ZNF385D: variants seen among roughly 807,000 people sequenced by gnomAD.
The protein encoded by ZNF385D is zinc finger protein 385D, also known as zinc finger protein 659.
ZNF385D carries 15 observed loss-of-function variants against 35.8 expected under a neutral mutation model. The ratio of observed to expected loss-of-function variants is 0.42; its 90% CI spans 0.28 to 0.64. The LOEUF (loss-of-function observed/expected upper bound fraction) is 0.64, where lower values mean the gene tolerates loss of function less well. Among genes scored for constraint, ZNF385D ranks in the 30% least tolerant of loss-of-function variants. ZNF385D has a pLI of 0.23. For missense variants in ZNF385D, 474 were observed against 494.6 expected, an observed-to-expected ratio of 0.96 and a Z score of 0.39; for synonymous variants, 212 against 186.8, an observed-to-expected ratio of 1.13 and a Z score of -1.10.
rs919566279 is a variant in ZNF385D at position 21,804,864 on chromosome 3, A to G, written c.326-139836T>C. Among the ~76,000 whole-genome samples, 7 of 23,436 alleles carry G rather than the reference A, an allele frequency of 3.0e-4. No individual in the cohort carries two copies. In the East Asian group the frequency reaches 8.3e-3, roughly 28 times the overall value. 15.4% of individuals were successfully genotyped at this position (23,436 alleles called of 152,430 possible). On this transcript the variant is annotated intron_variant, in intron 3 of 5. Coordinates refer to the ZNF385D transcript ENST00000494108. ...ACTGTTTTCCCTTATATACTTTACC[A>G]CTATTATAAGAAAGAACGTTGCTTG... is the stretch of plus-strand genomic sequence containing the variant.
chr3:21,495,915 A>G (rs1430499509), intron 4 of ZNF385D, among the ~76,000 whole-genome samples: 1 of 152,190 alleles, frequency 6.6e-6, no homozygotes, highest in Admixed American at 6.5e-5. Flanking sequence ...GACTACTATG[A>G]ATACGTTTAT....
rs1307585012 is a variant in ZNF385D at position 21,556,072 on chromosome 3, T to G, written c.276+8502A>C. 3.4e-4 allele frequency among the ~76,000 whole-genome samples: 49 copies of G among 143,202 alleles called. No individual in the cohort carries two copies. The South Asian group carries it at 5.4e-3, about 16-fold the overall frequency. The allele number at this position is 143,202 out of a possible 152,430, so 93.9% of individuals were successfully genotyped here. On this transcript the variant is annotated intron_variant, in intron 3 of 7. Transcript: ENST00000281523. ...TTTGACGTTTTTTTTGTTTTTGTTT[T>G]TTTTTTTTTTTTTTTGTAAATTTAA...
At chr3:22,161,143 A>T (rs1478357381) in intron 3 of ZNF385D, among the ~76,000 whole-genome samples, 1 of 152,106 alleles carries the variant, frequency 6.6e-6, no homozygotes, top group Non-Finnish European at 1.5e-5. Flanking sequence ...AAATATGAGT[A>T]AAATCTTAAT....
intron 1 of ZNF385D, among the ~76,000 whole-genome samples, chr3:21,741,632 G>GT (rs5847131): frequency 1.3e-5 from 2 of 150,766 alleles, no homozygotes; most frequent in Non-Finnish European, 3.0e-5. Context: ...ATTTTGCCTT[G>GT]TTTTTTTTTT....
chr3:21,757,419 A>C (rs557801445), intron 3 of ZNF385D, among the ~76,000 whole-genome samples: 14 of 152,274 alleles, frequency 9.2e-5, no homozygotes, highest in Non-Finnish European at 1.6e-4. Flanking sequence ...CTGGGATTAC[A>C]GGCGTGAGCC....
At chr3:21,631,810 C>G (rs1309528316) in intron 2 of ZNF385D, among the ~76,000 whole-genome samples, 1 of 152,096 alleles carries the variant, frequency 6.6e-6, no homozygotes, top group Non-Finnish European at 1.5e-5. Context: ...CTGATGAGCA[C>G]TGGGATAAAG....
intron 2 of ZNF385D, among the ~76,000 whole-genome samples, chr3:22,278,235 A>T (rs1366057228): frequency 6.6e-6 from 1 of 151,552 alleles, no homozygotes; most frequent in Non-Finnish European, 1.5e-5. Context: ...ATTAGTACAA[A>T]GTAATTAACT....
intron 7 of ZNF385D, among the ~76,000 whole-genome samples, chr3:21,422,674 GT>G (rs1700798426): frequency 6.6e-6 from 1 of 152,174 alleles, no homozygotes; most frequent in African/African-American, 2.4e-5. Context: ...GGGATGAGAG[GT>G]TGGTTCAACA....
chr3:22,371,366 T>C (rs571519183), intron 2 of ZNF385D, among the ~76,000 whole-genome samples: 34 of 152,068 alleles, frequency 2.2e-4, no homozygotes, highest in Non-Finnish European at 4.3e-4. Flanking sequence ...AGAATTAGCA[T>C]AGAACAGCGC....
chr3:21,695,050 C>G (rs1037926624), intron 1 of ZNF385D, among the ~76,000 whole-genome samples: 3 of 152,078 alleles, frequency 2.0e-5, no homozygotes, highest in South Asian at 2.1e-4. Context: ...AAAATGGGAA[C>G]ATTATATTGA....
intron 2 of ZNF385D, among the ~76,000 whole-genome samples, chr3:21,619,413 C>CGTGTGT (rs10594035): frequency 2.0e-5 from 3 of 147,752 alleles, no homozygotes; most frequent in Admixed American, 1.4e-4. Context: ...CGTGTGTGTG[C>CGTGTGT]GTGTGTGTGT....
chr3:22,167,140 A>T (rs1390058934), intron 3 of ZNF385D, among the ~76,000 whole-genome samples: 1 of 152,186 alleles, frequency 6.6e-6, no homozygotes, highest in Non-Finnish European at 1.5e-5. Context: ...GCCAAGCTAC[A>T]AGTCAAATCC....
rs2070043043 is a variant in ZNF385D, at chr3:21,750,896, A to G, written c.21T>C (p.Phe7=). 6.2e-7 allele frequency: 1 copy of G among 1,614,058 alleles called. No individual in the cohort carries two copies. Among genetic ancestry groups the G allele is most frequent in the Non-Finnish European group, 8.5e-7 (1 of 1,180,030 alleles). The change falls in exon 1 of 8, where the codon TTT becomes TTC. Residue 7 remains phenylalanine (F), a splice_region_variant and synonymous_variant. Transcript: ENST00000281523. MRNIMY[F]GGTCQSPALP... ...TACATCATCAGAGTGAACACTCACC[A>G]AAATACATTATGTTTCTCATTAATC...
rs114666332 is a variant in ZNF385D at position 21,735,942 on chromosome 3, C to T, written c.22+14953G>A. Among the ~76,000 whole-genome samples the T allele has an allele frequency of 4.1e-3, 620 of 152,332 alleles. 2 individuals carry two copies. Among genetic ancestry groups the T allele is most frequent in the African/African-American group, 0.014 (585 of 41,580 alleles). ...CCTCTACTTTACATAAATGTCCCTA[C>T]TACCAAGATTCCACAGAAGTGGCCC... On this transcript the variant is annotated intron_variant, in intron 1 of 7. Coordinates refer to ENST00000281523, the MANE Select transcript of ZNF385D (RefSeq NM_024697.3).
At chr3:21,835,469 G>T (rs1695272823) in intron 3 of ZNF385D, among the ~76,000 whole-genome samples, 1 of 150,992 alleles carries the variant, frequency 6.6e-6, no homozygotes, top group African/African-American at 2.4e-5. Flanking sequence ...AGTCTTCTCA[G>T]GAATGTGGTA....
intron 3 of ZNF385D, among the ~76,000 whole-genome samples, chr3:21,762,880 C>T (rs1161513911): frequency 6.6e-6 from 1 of 152,120 alleles, no homozygotes; most frequent in South Asian, 2.1e-4. Flanking sequence ...AACTCTAGAA[C>T]ACAGAAAGAT....
chr3:21,676,100 A>G (rs986235670), intron 1 of ZNF385D, among the ~76,000 whole-genome samples: 3 of 152,130 alleles, frequency 2.0e-5, no homozygotes, highest in African/African-American at 4.8e-5. Flanking sequence ...ACCAGCATCA[A>G]ATTAAATAAA....
At chr3:22,057,799 C>A (rs1699483366) in intron 3 of ZNF385D, among the ~76,000 whole-genome samples, 1 of 152,164 alleles carries the variant, frequency 6.6e-6, no homozygotes, top group East Asian at 1.9e-4. Context: ...CAGGCTTGAG[C>A]CACTGTGCCC....
chr3:21,590,989 GTT>G (rs1214150601), intron 2 of ZNF385D, among the ~76,000 whole-genome samples: 2 of 151,884 alleles, frequency 1.3e-5, no homozygotes, highest in African/African-American at 4.8e-5. Flanking sequence ...GAGCCCAGAA[GTT>G]TGAGACCAGC....
Sources: gnomAD v4.1 joint callset for allele counts (sites outside exome capture counted in the v4.1 genomes callset) on GRCh38, gnomAD v4.1.1 for gene constraint, MANE v1.5 for transcripts, NCBI Gene and HGNC (gene_info 2026-07-23, HGNC 2026-07-21) for gene names.